ZNF229: variants seen among roughly 807,000 people sequenced by gnomAD.
The protein encoded by ZNF229 is zinc finger protein 229.
In ZNF229, 10 loss-of-function variants were observed where a neutral mutation model predicts 11.8. That is an observed-to-expected ratio of 0.85 (90% CI 0.52 to 1.44). The LOEUF (loss-of-function observed/expected upper bound fraction) is 1.44. ZNF229 is among the 40% of genes most tolerant of loss of function. The pLI is 0.00. For synonymous variants in ZNF229, 368 were observed against 374.8 expected (o/e 0.98, Z 0.21); for missense variants, 1,045 against 1,015.1 (o/e 1.03, Z -0.40).
At position 44,429,905 on chromosome 19, in the gene ZNF229, G is replaced by C. The variant is rs758779084; in HGVS notation, c.876C>G (p.Leu292=). The C allele has an allele frequency of 1.2e-6, 2 of 1,613,910 alleles. No homozygotes were observed. ...PHPRVPLKEK[L]CQYDEFSEGL... is the part of the protein sequence containing the mutation. ...CCTCACTAAACTCATCATATTGACA[G>C]AGTTTCTCTTTCAAAGGTACTCTTG... The change falls in exon 6 of 6, where the codon CTC becomes CTG. Residue 292 remains leucine, a synonymous_variant. Transcript: ENST00000614049.
At chr19:44,448,288 C>T (rs1391994155) in intron 1 of ZNF229, 21 bp downstream of exon 1, 3 of 152,280 alleles carry the variant, frequency 2.0e-5, no homozygotes, top group African/African-American at 7.2e-5. Flanking sequence ...ATACGTGCGC[C>T]TCCTTACACC....
chr19:44,442,792 CA>C, intron 3 of ZNF229, 21 bp downstream of exon 3: 1 of 1,538,262 alleles, frequency 6.5e-7, no homozygotes, highest in Non-Finnish European at 9.0e-7. Flanking sequence ...TCCCCCCACC[CA>C]CCCCCTCTAT....
chr19:44,428,669 C>T lies in ZNF229; in HGVS notation c.2112G>A (p.Arg704=), dbSNP rs201333368. 2.8e-4 allele frequency: 454 copies of T among 1,613,334 alleles called. 7 individuals are homozygous for T. Among genetic ancestry groups the T allele is most frequent in the Middle Eastern group, 1.7e-4 (1 of 6,054 alleles). ...SYGSNLRTHQ[R]LHTGEKPYTC... The stretch of plus-strand genomic sequence containing the variant: ...TGTAGGGTTTCTCTCCTGTGTGCAA[C>T]CTCTGGTGGGTGCGAAGATTAGAGC... The change falls in exon 6 of 6, where the codon AGG becomes AGA. Residue 704 remains arginine (R), a synonymous_variant. Transcript: ENST00000614049.
In ZNF229 at chr19:44,426,336, A is replaced by C. The variant is rs1971571233; in HGVS notation, c.*1967T>G. 1 of 152,178 alleles carries C rather than the reference A, an allele frequency of 6.6e-6. No homozygotes were observed. The highest frequency in any genetic ancestry group is 2.4e-5 in the African/African-American group (1 of 41,400). 9.4% of individuals were successfully genotyped at this position (152,178 alleles called of 1,614,324 possible). On this transcript the variant is annotated 3_prime_UTR_variant, in exon 6 of 6. Coordinates refer to ENST00000614049, the MANE Select transcript of ZNF229 (RefSeq NM_014518.4). ...AAAAAATAGCTCTACTGTTATTATA[A>C]AACTGAAAGATACTTTGTTACAAAG...
chr19:44,437,908 G>A (rs964340909), intron 4 of ZNF229, among the ~76,000 whole-genome samples: 2 of 152,166 alleles, frequency 1.3e-5, no homozygotes, highest in Non-Finnish European at 1.5e-5. Flanking sequence ...ATAAGTAGGA[G>A]GTAAATGATG....
chr19:44,443,020 G>C lies in ZNF229; in HGVS notation c.-173C>G. 1 of 705,942 alleles carries C rather than the reference G, an allele frequency of 1.4e-6. No individual in the cohort carries two copies. The highest frequency in any genetic ancestry group is 2.4e-6 in the Non-Finnish European group (1 of 423,734). The allele number at this position is 705,942 out of a possible 1,614,324, so 43.7% of individuals were successfully genotyped here. On this transcript the variant is annotated 5_prime_UTR_variant, in exon 3 of 6. Transcript: ENST00000614049. ...GAGCGCGACTGCTTCCCATGGTCAGGGGACCTGTAGGTTCGGGAGGGAACT... is the reference window on the plus strand; with the variant it reads ...GAGCGCGACTGCTTCCCATGGTCAGCGGACCTGTAGGTTCGGGAGGGAACT...
Position 44,442,857 on chromosome 19 carries a change from T to C in ZNF229, c.-10A>G, listed in dbSNP as rs752887991. The C allele has an allele frequency of 1.0e-5, 16 of 1,607,718 alleles. No individual in the cohort carries two copies. In the South Asian group the frequency reaches 1.5e-4, roughly 15 times the overall value. ...AGGTCAAAGTCTCCATGGTCTCTTC[T>C]GCTAGGTTCTCTGCGAGCAGCAGCA... On this transcript the variant is annotated 5_prime_UTR_variant, in exon 3 of 6. Transcript: ENST00000614049.
At position 44,430,328 on chromosome 19, in the gene ZNF229, A is replaced by G. The variant is rs770763647; in HGVS notation, c.453T>C (p.Phe151=). Residue 151 remains phenylalanine, a synonymous_variant, in exon 6 of 6, where the codon TTT becomes TTC. Transcript: ENST00000614049. ...GACTGTCCAGGAAATTCTCAATTGG[A>G]AAACACGGCGTAGATGCTCCTTCCC... ...QGWEGASTPC[F]PIENFLDSLQ... The G allele has an allele frequency of 3.1e-6, 5 of 1,614,064 alleles. No homozygotes were observed. Among genetic ancestry groups the G allele is most frequent in the Non-Finnish European group, 4.2e-6 (5 of 1,180,004 alleles).
At chr19:44,444,560 C>T (rs1348948405) in intron 2 of ZNF229, among the ~76,000 whole-genome samples, 1 of 152,158 alleles carries the variant, frequency 6.6e-6, no homozygotes, top group Non-Finnish European at 1.5e-5. Context: ...CACCGCAATG[C>T]CACTTAAACT....
chr19:44,445,362 T>C (rs1427381863), intron 2 of ZNF229, among the ~76,000 whole-genome samples: 1 of 144,206 alleles, frequency 6.9e-6, no homozygotes, highest in African/African-American at 2.8e-5. Context: ...AAAACCATCA[T>C]TTTACTCAAA....
chr19:44,428,577 G>A lies in ZNF229; in HGVS notation c.2204C>T (p.Thr735Ile). 6.2e-7 allele frequency: 1 copy of A among 1,613,814 alleles called. No individual in the cohort carries two copies. Among genetic ancestry groups the A allele is most frequent in the Non-Finnish European group, 8.5e-7 (1 of 1,179,972 alleles). The change falls in exon 6 of 6, where the codon ACT (threonine) becomes ATT (isoleucine). Residue 735 changes from threonine (T) to isoleucine (I), a missense_variant. Transcript: ENST00000614049. ...GTGGCATCTGTATGGCTTCTCGCCAGTGTGCACTCTCTTATGACTAAGGAG... is the reference window on the plus strand; with the variant it reads ...GTGGCATCTGTATGGCTTCTCGCCAATGTGCACTCTCTTATGACTAAGGAG... The part of the protein sequence containing the change: ...SGLLSHKRVH[T>I]GEKPYRCHVC...
rs574090764 is a variant in ZNF229, at chr19:44,434,259, A to G, written c.94-1893T>C. Among the ~76,000 whole-genome samples the G allele has an allele frequency of 3.0e-3, 451 of 152,246 alleles. 5 individuals are homozygous for G. Among genetic ancestry groups the G allele is most frequent in the African/African-American group, 9.9e-3 (410 of 41,530 alleles). On this transcript the variant is annotated intron_variant, in intron 4 of 5. Coordinates refer to ENST00000614049, the MANE Select transcript of ZNF229 (RefSeq NM_014518.4). Reference sequence around the variant, plus strand: ...CGAAAACATTCTCTCTGCCAGAATGATGGTTCTTTCCCAATCATTCACTAC... The same window carrying G: ...CGAAAACATTCTCTCTGCCAGAATGGTGGTTCTTTCCCAATCATTCACTAC...
At chr19:44,431,846 C>T (rs911370446) in intron 5 of ZNF229, 10 of 980,732 alleles carry the variant, frequency 1.0e-5, no homozygotes, top group South Asian at 9.2e-5. Flanking sequence ...TAAATCCCAA[C>T]GTGATACCAT....
In ZNF229 at chr19:44,426,413, T is replaced by C. The variant is rs892734293; in HGVS notation, c.*1890A>G. 2.0e-5 allele frequency: 3 copies of C among 152,286 alleles called. No homozygotes were observed. Among genetic ancestry groups the C allele is most frequent in the South Asian group, 2.1e-4 (1 of 4,830 alleles). 9.4% of individuals were successfully genotyped at this position (152,286 alleles called of 1,614,324 possible). On this transcript the variant is annotated 3_prime_UTR_variant, in exon 6 of 6. Transcript: ENST00000614049. ...TATTATACATTCAGAATCCCACCAC[T>C]AGAGATAAGTAGTTATATGTCCTCT...
intron 4 of ZNF229, among the ~76,000 whole-genome samples, chr19:44,442,182 T>C (rs905966011): frequency 2.0e-5 from 3 of 152,168 alleles, no homozygotes; most frequent in African/African-American, 7.2e-5. Context: ...ATGGAGAACA[T>C]TACATCTATA....
At chr19:44,442,314 A>ATAG (rs985107822) in intron 4 of ZNF229, among the ~76,000 whole-genome samples, 3 of 152,320 alleles carry the variant, frequency 2.0e-5, no homozygotes, top group African/African-American at 7.2e-5. Flanking sequence ...GCAGGAAGGC[A>ATAG]TAGCGGAAAG....
rs1236440808 is a variant in ZNF229, at chr19:44,428,824, C to T, written c.1957G>A (p.Glu653Lys). ...LLIHQRVHTG[E>K]KPYRCQECGK... ...CACTCTTGGCATCTGTAAGGTTTCT[C>T]GCCTGTGTGGACTCTCTGGTGAATG... Residue 653 changes from glutamate to lysine, a missense_variant, in exon 6 of 6, where the codon GAG becomes AAG. Transcript: ENST00000614049. 9 of 1,613,398 alleles carry T rather than the reference C, an allele frequency of 5.6e-6. No homozygotes were observed. The highest frequency in any genetic ancestry group is 3.3e-5 in the Admixed American group (2 of 59,992).
intron 4 of ZNF229, among the ~76,000 whole-genome samples, chr19:44,441,075 T>TG (rs938508845): frequency 2.0e-5 from 3 of 151,938 alleles, no homozygotes; most frequent in Non-Finnish European, 4.4e-5. Flanking sequence ...GTCTTTGGCG[T>TG]GGGGGAACAA....
chr19:44,437,915 G>A (rs1044786321), intron 4 of ZNF229, among the ~76,000 whole-genome samples: 1 of 152,178 alleles, frequency 6.6e-6, no homozygotes, highest in Non-Finnish European at 1.5e-5. Context: ...GGAGGTAAAT[G>A]ATGAGAACGC....
Sources: gnomAD v4.1 joint callset for allele counts (sites outside exome capture counted in the v4.1 genomes callset) on GRCh38, gnomAD v4.1.1 for gene constraint, MANE v1.5 for transcripts, NCBI Gene and HGNC (gene_info 2026-07-23, HGNC 2026-07-21) for gene names.